SARS1: variants seen among roughly 807,000 people sequenced by gnomAD.
SARS1 encodes serine--tRNA ligase, cytoplasmic.
SARS1 carries 25 observed loss-of-function variants against 63.7 expected under a neutral mutation model. The observed-to-expected ratio is 0.39, with a 90% CI of 0.29 to 0.55. SARS1 has a LOEUF of 0.55. Ranked by LOEUF, SARS1 falls within the 20% of genes least tolerant of loss-of-function variation. The pLI, the probability that SARS1 is intolerant of heterozygous loss-of-function variation, is 0.62. For missense variants in SARS1, 417 were observed against 649.7 expected (o/e 0.64, Z 3.89); for synonymous variants, 231 against 243.5 (o/e 0.95, Z 0.48).
At chr1:109,215,188 T>A (rs1242991968) in intron 1 of SARS1, 8 of 985,460 alleles carry the variant, frequency 8.1e-6, no homozygotes, top group Non-Finnish European at 8.4e-6. Flanking sequence ...GGCCCTCTAT[T>A]GTAGTAGTTT....
intron 1 of SARS1, chr1:109,216,932 T>C: frequency 3.0e-6 from 3 of 985,430 alleles, no homozygotes; most frequent in Non-Finnish European, 3.6e-6. Flanking sequence ...CTAAAGCTGT[T>C]ATTTCCTCAT....
At chr1:109,226,659 A>G (rs1244386323) in intron 2 of SARS1, among the ~76,000 whole-genome samples, 12 of 63,440 alleles carry the variant, frequency 1.9e-4, no homozygotes, top group African/African-American at 6.1e-4. Context: ...ATGCCTGGCT[A>G]ATTTAAAAAA....
Position 109,237,288 on chromosome 1 carries a change from C to G in SARS1, c.1302C>G (p.Thr434=). The G allele has an allele frequency of 6.2e-7, 1 of 1,614,144 alleles. No individual in the cohort carries two copies. Among genetic ancestry groups the G allele is most frequent in the East Asian group, 2.2e-5 (1 of 44,880 alleles). The change falls in exon 10 of 11, where the codon ACC becomes ACG. Residue 434 remains threonine (T), a synonymous_variant. Coordinates refer to ENST00000234677, the MANE Select transcript of SARS1 (RefSeq NM_006513.4). This position sits in a 1 kb window ranked among gnomAD's most constrained non-coding sequence, Gnocchi z 4.1. ...HMLNATMCAT[T]RTICAILENY... is the part of the protein sequence containing the mutation. Reference sequence around the variant, plus strand: ...TCAATGCTACCATGTGCGCCACTACCCGTACCATCTGCGCCATCCTGGAGA... The same window carrying G: ...TCAATGCTACCATGTGCGCCACTACGCGTACCATCTGCGCCATCCTGGAGA...
chr1:109,228,480 A>T (rs1415643276), intron 3 of SARS1, 48 bp downstream of exon 3: 1 of 1,335,730 alleles, frequency 7.5e-7, no homozygotes, highest in African/African-American at 1.4e-5. Context: ...ATTTTGTCTT[A>T]ATTTTATTCC....
At chr1:109,236,648 G>A in intron 9 of SARS1, 100 bp downstream of exon 9, 1 of 1,511,082 alleles carries the variant, frequency 6.6e-7, no homozygotes, top group East Asian at 2.3e-5. Context: ...AGCATCATGG[G>A]AAAATCTGAG....
chr1:109,226,224 A>G (rs1380036095), intron 2 of SARS1, among the ~76,000 whole-genome samples: 1 of 151,076 alleles, frequency 6.6e-6, no homozygotes, highest in Non-Finnish European at 1.5e-5. Flanking sequence ...CAACTTTTTA[A>G]GATGATTTTG....
At position 109,235,890 on chromosome 1, in the gene SARS1, C is replaced by T. The variant is rs1655296998; in HGVS notation, c.970-87C>T. 1 of 1,328,632 alleles carries T rather than the reference C, an allele frequency of 7.5e-7. No homozygotes were observed. Among genetic ancestry groups the T allele is most frequent in the South Asian group, 1.4e-5 (1 of 70,522 alleles). 82.3% of individuals were successfully genotyped at this position (1,328,632 alleles called of 1,614,324 possible). ...TGCCTGCCTCCCAGTGGTGTGGAAA[C>T]AGGTCTTCATGGCAAGGATGTCTCC... On this transcript the variant is annotated intron_variant, in intron 7 of 10. Transcript: ENST00000234677. This position sits in a 1 kb window ranked among gnomAD's most constrained non-coding sequence, Gnocchi z 4.7.
chr1:109,228,240 TAAG>T (rs1223797727), intron 2 of SARS1, 109 bp from the exon 3 acceptor site: 1 of 818,516 alleles, frequency 1.2e-6, no homozygotes, highest in African/African-American at 1.8e-5. Context: ...AAAATTTATG[TAAG>T]AAGTTCTGTG....
Position 109,214,184 on chromosome 1 carries a change from C to G in SARS1, c.136+56C>G, listed in dbSNP as rs1353639822. On this transcript the variant is annotated intron_variant, in intron 1 of 10. Transcript: ENST00000234677. This position sits in a 1 kb window ranked among gnomAD's most constrained non-coding sequence, Gnocchi z 4.6. ...TGATGCTAAACCCAATTTTCTCTCTCAAATCCAGCCACCGCTCCTGAGGCC... is the reference window on the plus strand; with the variant it reads ...TGATGCTAAACCCAATTTTCTCTCTGAAATCCAGCCACCGCTCCTGAGGCC... 6 of 1,571,560 alleles carry G rather than the reference C, an allele frequency of 3.8e-6. No homozygotes were observed. The highest frequency in any genetic ancestry group is 4.3e-6 in the Non-Finnish European group (5 of 1,156,810).
Position 109,237,538 on chromosome 1 carries a change from T to C in SARS1, c.1387+165T>C, listed in dbSNP as rs1655340030. 6.6e-6 allele frequency among the ~76,000 whole-genome samples: 1 copy of C among 152,174 alleles called. No homozygotes were observed. On this transcript the variant is annotated intron_variant, in intron 10 of 10. Coordinates refer to ENST00000234677, the MANE Select transcript of SARS1 (RefSeq NM_006513.4). This position sits in a 1 kb window ranked among gnomAD's most constrained non-coding sequence, Gnocchi z 4.1. ...AGGGCAGGGGGCCTGGTTGAGAAAG[T>C]AGCCAGTGCAGGTATGATGTTGAAA...
chr1:109,228,238 T>C lies in SARS1; in HGVS notation c.208-114T>C, dbSNP rs371068049. ...ATGTTGTATCTTTTAGAAAAATTTA[T>C]GTAAGAAGTTCTGTGATTCATTTAT... On this transcript the variant is annotated intron_variant, in intron 2 of 10. Coordinates refer to ENST00000234677, the MANE Select transcript of SARS1 (RefSeq NM_006513.4). 5 of 799,832 alleles carry C rather than the reference T, an allele frequency of 6.3e-6. 1 individual carries two copies. The South Asian group carries it at 7.8e-5, about 12-fold the overall frequency. The allele number at this position is 799,832 out of a possible 1,614,324, so 49.5% of individuals were successfully genotyped here.
intron 1 of SARS1, among the ~76,000 whole-genome samples, chr1:109,218,760 T>C (rs1654852506): frequency 6.6e-6 from 1 of 152,192 alleles, no homozygotes; most frequent in Non-Finnish European, 1.5e-5. Flanking sequence ...AACGGCCCTC[T>C]TTGGCACTCA....
At position 109,235,002 on chromosome 1, in the gene SARS1, C is replaced by T. The variant is rs553835422; in HGVS notation, c.748-208C>T. On this transcript the variant is annotated intron_variant, in intron 6 of 10. Coordinates refer to ENST00000234677, the MANE Select transcript of SARS1 (RefSeq NM_006513.4). The surrounding 1 kb of genome is among the most constrained non-coding windows in gnomAD (Gnocchi z 4.7). Reference sequence around the variant, plus strand: ...AAAGATAAGTGGAAAATATTCTTTCCTCTTAATTTACATTTCTTTGATCTC... The same window carrying T: ...AAAGATAAGTGGAAAATATTCTTTCTTCTTAATTTACATTTCTTTGATCTC... Among the ~76,000 whole-genome samples the T allele has an allele frequency of 6.6e-6, 1 of 152,232 alleles. No individual in the cohort carries two copies. The highest frequency in any genetic ancestry group is 2.4e-5 in the African/African-American group (1 of 41,542).
chr1:109,233,708 A>AT, intron 6 of SARS1, among the ~76,000 whole-genome samples: 1 of 150,598 alleles, frequency 6.6e-6, no homozygotes, highest in South Asian at 2.1e-4. Context: ...TTATTTATTC[A>AT]TTTTTTGAGA....
intron 6 of SARS1, among the ~76,000 whole-genome samples, chr1:109,232,229 T>G (rs1655225456): frequency 6.6e-6 from 1 of 152,166 alleles, no homozygotes; most frequent in African/African-American, 2.4e-5. Flanking sequence ...CATACTTGCC[T>G]TGGGATGGAG....
intron 1 of SARS1, among the ~76,000 whole-genome samples, chr1:109,222,375 GCA>G (rs962763215): frequency 2.0e-5 from 3 of 151,778 alleles, no homozygotes; most frequent in Non-Finnish European, 4.4e-5. Flanking sequence ...TGCCAGTTTT[GCA>G]CACATGTGTG....
chr1:109,226,697 T>C (rs1427403900), intron 2 of SARS1, among the ~76,000 whole-genome samples: 40 of 104,146 alleles, frequency 3.8e-4, no homozygotes, highest in African/African-American at 1.1e-3. Flanking sequence ...TATATATATA[T>C]ACACACACAC....
chr1:109,227,281 C>T (rs1344803956), intron 2 of SARS1, among the ~76,000 whole-genome samples: 1 of 152,168 alleles, frequency 6.6e-6, no homozygotes, highest in Non-Finnish European at 1.5e-5. Context: ...GCATGAGCCA[C>T]CGTGCCCTGC....
intron 4 of SARS1, among the ~76,000 whole-genome samples, chr1:109,230,546 T>C (rs1434930741): frequency 1.1e-4 from 16 of 152,050 alleles, no homozygotes; most frequent in Admixed American, 1.0e-3. Context: ...GTGGCTCACG[T>C]CTATAATCCC....
Sources: allele counts gnomAD v4.1 joint callset (sites outside exome capture counted in the v4.1 genomes callset), GRCh38; gene constraint gnomAD v4.1.1; non-coding constraint Gnocchi (gnomAD v3.1); transcripts MANE v1.5; gene names NCBI Gene and HGNC (gene_info 2026-07-23, HGNC 2026-07-21).